Variants in MED20 observed in about 807,000 individuals in gnomAD.
The protein encoded by MED20 is mediator of RNA polymerase II transcription subunit 20.
MED20 carries 19 observed loss-of-function variants against 19.7 expected under a neutral mutation model. The ratio of observed to expected loss-of-function variants is 0.96; its 90% CI spans 0.67 to 1.42. MED20 has a LOEUF of 1.42. Ranked by LOEUF, MED20 falls within the 40% of genes most tolerant of loss-of-function variation. The pLI, the probability that MED20 is intolerant of heterozygous loss-of-function variation, is 0.00. For missense variants in MED20, 225 were observed against 273.0 expected (o/e 0.82, Z 1.24); for synonymous variants, 105 against 104.8 (o/e 1.00, Z -0.01).
chr6:41,919,465 ACTACT>A (rs532734416), intron 1 of MED20, among the ~76,000 whole-genome samples: 4 of 152,180 alleles, frequency 2.6e-5, no homozygotes, highest in African/African-American at 9.7e-5. Context: ...AAAAATTGTC[ACTACT>A]CTATCAGAAA....
intron 1 of MED20, 118 bp from the exon 2 acceptor site, chr6:41,917,057 T>C: frequency 1.8e-6 from 2 of 1,082,716 alleles, no homozygotes; most frequent in South Asian, 3.5e-5. Context: ...GGAAATTACC[T>C]ACTCTGACCG....
intron 2 of MED20, among the ~76,000 whole-genome samples, chr6:41,910,906 C>T (rs1381703104): frequency 6.6e-6 from 1 of 151,634 alleles, no homozygotes; most frequent in Non-Finnish European, 1.5e-5. Flanking sequence ...GTCAGGAGTT[C>T]GAGACCAGCC....
chr6:41,921,115 G>A lies in MED20; in HGVS notation c.-97C>T, dbSNP rs1478512116. On this transcript the variant is annotated 5_prime_UTR_variant, in exon 1 of 4. Coordinates refer to ENST00000265350, the MANE Select transcript of MED20 (RefSeq NM_004275.5). The stretch of plus-strand genomic sequence containing the variant: ...CTTCAGTTCCCCAACACAACCTTCT[G>A]TCTCAGAAGGGACTCCGGAAATACG... The A allele has an allele frequency of 3.3e-6, 5 of 1,498,674 alleles. No homozygotes were observed. In the African/African-American group the frequency reaches 7.0e-5, roughly 21 times the overall value. 92.8% of individuals were successfully genotyped at this position (1,498,674 alleles called of 1,614,324 possible). A position where few individuals can be genotyped will look rare whatever the true frequency, so the allele number is the denominator to read the frequency against.
chr6:41,909,423 T>C lies in MED20; in HGVS notation c.269A>G (p.Asn90Ser), dbSNP rs1259598489. 1 of 1,614,146 alleles carries C rather than the reference T, an allele frequency of 6.2e-7. No individual in the cohort carries two copies. The change falls in exon 3 of 4, where the codon AAC becomes AGC. Residue 90 changes from asparagine to serine, a missense_variant. Coordinates refer to ENST00000265350, the MANE Select transcript of MED20 (RefSeq NM_004275.5). The stretch of plus-strand genomic sequence containing the variant: ...GAGCTTCACCATAAGCACATCAAAG[T>C]TGGTGTCAGCAATAAGGCAAGGGCC... The part of the protein sequence containing the change: ...ENGPCLIADT[N>S]FDVLMVKLKG...
chr6:41,911,363 C>T (rs979775131), intron 2 of MED20, among the ~76,000 whole-genome samples: 4 of 151,886 alleles, frequency 2.6e-5, no homozygotes, highest in African/African-American at 9.7e-5. Flanking sequence ...GTTGGCCAGG[C>T]TGGTCTTGAA....
At chr6:41,917,860 T>C (rs1261376124) in intron 1 of MED20, 1 of 447,566 alleles carries the variant, frequency 2.2e-6, no homozygotes, top group East Asian at 7.3e-5. Context: ...GACTAGTGTA[T>C]TGGACACTGT....
intron 2 of MED20, among the ~76,000 whole-genome samples, chr6:41,916,230 G>C (rs1243562716): frequency 6.6e-6 from 1 of 150,516 alleles, no homozygotes; most frequent in Non-Finnish European, 1.5e-5. Flanking sequence ...CAGCCTGGGA[G>C]ACTGAGCAAA....
chr6:41,913,334 C>T (rs535474418), intron 2 of MED20, among the ~76,000 whole-genome samples: 5 of 152,274 alleles, frequency 3.3e-5, no homozygotes, highest in Admixed American at 2.6e-4. Flanking sequence ...GTTTATTGCT[C>T]TTTCCTGCCT....
chr6:41,920,223 T>C (rs1775424728), intron 1 of MED20, among the ~76,000 whole-genome samples: 1 of 152,180 alleles, frequency 6.6e-6, no homozygotes, highest in South Asian at 2.1e-4. Context: ...AAACGGGTCC[T>C]AAAGAGATAA....
intron 2 of MED20, among the ~76,000 whole-genome samples, chr6:41,911,707 G>C (rs1775200085): frequency 6.6e-6 from 1 of 152,140 alleles, no homozygotes; most frequent in Non-Finnish European, 1.5e-5. Flanking sequence ...GAGAGCAGAG[G>C]TCATATGGCT....
Position 41,906,206 on chromosome 6 carries a change from C to G in MED20, c.*866G>C, listed in dbSNP as rs1197514594. 6 of 152,348 alleles carry G rather than the reference C, an allele frequency of 3.9e-5. No individual in the cohort carries two copies. The South Asian group carries it at 6.2e-4, about 16-fold the overall frequency. The allele number at this position is 152,348 out of a possible 1,614,324, so 9.4% of individuals were successfully genotyped here. A position where few individuals can be genotyped will look rare whatever the true frequency, so the allele number is the denominator to read the frequency against. On this transcript the variant is annotated 3_prime_UTR_variant, in exon 4 of 4. Transcript: ENST00000265350. ...TGGCCACAGTGATCTGAGCAATGCT[C>G]AGTCATATCTTTTTTTTAAAATCTG...
chr6:41,911,012 G>A (rs1775178874), intron 2 of MED20, among the ~76,000 whole-genome samples: 1 of 151,598 alleles, frequency 6.6e-6, no homozygotes, highest in Non-Finnish European at 1.5e-5. Flanking sequence ...GGGAGGCTGA[G>A]GCAGGAGAAG....
intron 1 of MED20, 101 bp downstream of exon 1, chr6:41,920,904 A>T: frequency 1.4e-6 from 2 of 1,455,424 alleles, no homozygotes; most frequent in Admixed American, 2.1e-5. Context: ...ACCCGAGGAC[A>T]TCTCCCTCAG....
At chr6:41,915,399 T>A (rs902306064) in intron 2 of MED20, among the ~76,000 whole-genome samples, 1 of 152,090 alleles carries the variant, frequency 6.6e-6, no homozygotes, top group African/African-American at 2.4e-5. Flanking sequence ...GAGGCTAAGG[T>A]GGGAGGATCA....
At position 41,916,843 on chromosome 6, in the gene MED20, T is replaced by C. The variant is rs1350908869; in HGVS notation, c.111A>G (p.Gly37=). The change falls in exon 2 of 4, where the codon GGA becomes GGG. Residue 37 remains glycine (G), a synonymous_variant. Coordinates refer to ENST00000265350, the MANE Select transcript of MED20 (RefSeq NM_004275.5). ...AAGTCTCACAGTCCACACAAAATGT[T>C]CCTTGCTTCTCTGCCCCAAGCATCT... The part of the protein sequence containing the change: ...KLEMLGAEKQ[G]TFCVDCETYH... 6.2e-7 allele frequency: 1 copy of C among 1,613,974 alleles called. No homozygotes were observed. Among genetic ancestry groups the C allele is most frequent in the Admixed American group, 1.7e-5 (1 of 59,988 alleles).
At chr6:41,915,315 C>A (rs922910896) in intron 2 of MED20, among the ~76,000 whole-genome samples, 1 of 151,638 alleles carries the variant, frequency 6.6e-6, no homozygotes, top group Non-Finnish European at 1.5e-5. Context: ...TAGTAAGACA[C>A]TCCCATGACC....
chr6:41,909,827 G>A (rs1775147634), intron 2 of MED20, among the ~76,000 whole-genome samples: 2 of 152,288 alleles, frequency 1.3e-5, no homozygotes, highest in African/African-American at 4.8e-5. Context: ...CTCACAGATG[G>A]TCTACATGTA....
chr6:41,914,819 G>A (rs990531446), intron 2 of MED20, among the ~76,000 whole-genome samples: 5 of 152,062 alleles, frequency 3.3e-5, no homozygotes, highest in African/African-American at 1.2e-4. Context: ...ATTGATTTAT[G>A]CTAATGAGGA....
intron 2 of MED20, among the ~76,000 whole-genome samples, chr6:41,911,139 GAGAT>G (rs1034805822): frequency 2.0e-5 from 3 of 150,660 alleles, no homozygotes; most frequent in African/African-American, 7.3e-5. Flanking sequence ...TCTCATGAGA[GAGAT>G]AGGCTAAAAA....
Sources: allele counts gnomAD v4.1 joint callset (sites outside exome capture counted in the v4.1 genomes callset), GRCh38; gene constraint gnomAD v4.1.1; transcripts MANE v1.5; gene names NCBI Gene and HGNC (gene_info 2026-07-23, HGNC 2026-07-21).